The following RASAL3 variants were observed in gnomAD, a reference collection of about 807,000 sequenced individuals.
RASAL3 encodes the protein RAS protein activator like 3.
A neutral mutation model predicts 105.5 loss-of-function variants in RASAL3; 74 were observed. That is an observed-to-expected ratio of 0.70 (90% CI 0.58 to 0.85). RASAL3 has a LOEUF of 0.85. Ranked by LOEUF, RASAL3 falls within the 40% of genes least tolerant of loss-of-function variation. The pLI, the probability that RASAL3 is intolerant of heterozygous loss-of-function variation, is 0.00. For synonymous variants in RASAL3, 579 were observed against 591.6 expected, an observed-to-expected ratio of 0.98 and a Z score of 0.31; for missense variants, 1,352 against 1,392.0, an observed-to-expected ratio of 0.97 and a Z score of 0.46.
At chr19:15,458,240 T>G in intron 8 of RASAL3, 88 bp downstream of exon 8, 1 of 1,270,108 alleles carries the variant, frequency 7.9e-7, no homozygotes, top group South Asian at 1.3e-5. Context: ...GCGCGGGTTA[T>G]GGAGCGAGCT....
Position 15,461,270 on chromosome 19 carries a change from A to G in RASAL3, c.492T>C (p.Ser164=). The G allele has an allele frequency of 1.9e-6, 3 of 1,613,592 alleles. No individual in the cohort carries two copies. The highest frequency in any genetic ancestry group is 2.5e-6 in the Non-Finnish European group (3 of 1,179,810). Residue 164 remains serine, a synonymous_variant, in exon 4 of 18, where the codon AGT becomes AGC. Coordinates refer to ENST00000343625, the MANE Select transcript of RASAL3 (RefSeq NM_022904.3). ...EEGPRRPRVG[S]ASSEGSIHVA... ...CGTGGATGCTGCCCTCGGAGCTAGC[A>G]CTTCCCACCCGGGGCCTTCGAGGAC... is the stretch of plus-strand genomic sequence containing the variant.
rs551813706 is a variant in RASAL3 at position 15,462,970 on chromosome 19, T to G, written c.328+1061A>C. Reference sequence around the variant, plus strand: ...CATCTCAAAAAAAAAATAAAAAAAATGCTGGGCCCTAGGCTAGTGTTACAT... The same window carrying G: ...CATCTCAAAAAAAAAATAAAAAAAAGGCTGGGCCCTAGGCTAGTGTTACAT... On this transcript the variant is annotated intron_variant, in intron 2 of 17. Transcript: ENST00000343625. Among the ~76,000 whole-genome samples, 12 of 151,702 alleles carry G rather than the reference T, an allele frequency of 7.9e-5. No homozygotes were observed. The East Asian group carries it at 1.4e-3, about 17-fold the overall frequency.
Position 15,454,739 on chromosome 19 carries a change from C to T in RASAL3, c.1876G>A (p.Ala626Thr). 6.2e-7 allele frequency: 1 copy of T among 1,609,238 alleles called. No individual in the cohort carries two copies. The stretch of plus-strand genomic sequence containing the variant: ...GGGCCGGGTGCTGGATGGTCTGGTG[C>T]CAAACCAAAGAGGCTGGGTGCCAGG... ...AILAPSLFGL[A>T]PDHPAPGPAR... Residue 626 changes from alanine to threonine, a missense_variant, in exon 12 of 18, where the codon GCA becomes ACA. Around this residue, in one of 3 missense-constraint regions of RASAL3, gnomAD observed 920 missense variants for 919.6 expected, o/e 1.00. Coordinates refer to ENST00000343625, the MANE Select transcript of RASAL3 (RefSeq NM_022904.3).
Position 15,457,824 on chromosome 19 carries a change from T to G in RASAL3, c.899A>C (p.Glu300Ala). The change falls in exon 9 of 18, where the codon GAG (glutamate) becomes GCG (alanine). Residue 300 changes from glutamate (E) to alanine (A), a missense_variant. By Grantham distance (107) the Glu-to-Ala change is moderately radical. Transcript: ENST00000343625. This position sits in a 1 kb window ranked among gnomAD's most constrained non-coding sequence, Gnocchi z 8.6. The part of the protein sequence containing the change: ...RQFQPTQDNV[E>A]REETWLSVWV... ...CACGCTCAGCCATGTCTCTTCCCGCTCCACGTTGTCCTGCAGATGGGAGTG... is the reference window on the plus strand; with the variant it reads ...CACGCTCAGCCATGTCTCTTCCCGCGCCACGTTGTCCTGCAGATGGGAGTG... 1 of 1,548,802 alleles carries G rather than the reference T, an allele frequency of 6.5e-7. No individual in the cohort carries two copies. Among genetic ancestry groups the G allele is most frequent in the Non-Finnish European group, 8.7e-7 (1 of 1,146,864 alleles).
At chr19:15,461,145 G>A in intron 4 of RASAL3, 24 bp from the exon 5 acceptor site, 3 of 1,613,778 alleles carry the variant, frequency 1.9e-6, no homozygotes, top group Non-Finnish European at 2.5e-6. Flanking sequence ...TGGGTGGCAG[G>A]TTGGGGGGTT....
chr19:15,460,986 A>G, intron 5 of RASAL3, 74 bp downstream of exon 5: 1 of 1,381,332 alleles, frequency 7.2e-7, no homozygotes, highest in Non-Finnish European at 1.0e-6. Flanking sequence ...ACCCAGCAAG[A>G]GTGCCCTTTC....
At chr19:15,455,547 G>A (rs1269841021) in intron 11 of RASAL3, among the ~76,000 whole-genome samples, 1 of 152,222 alleles carries the variant, frequency 6.6e-6, no homozygotes, top group African/African-American at 2.4e-5. Context: ...TTGGGTCTCA[G>A]GTTACTTGGG....
intron 2 of RASAL3, among the ~76,000 whole-genome samples, chr19:15,462,506 A>AACAAAAACAAAC (rs1970541360): frequency 1.3e-5 from 2 of 151,708 alleles, no homozygotes; most frequent in African/African-American, 4.8e-5. Flanking sequence ...CAAAAACAAA[A>AACAAAAACAAAC]ACAAAATGGG....
chr19:15,456,755 T>G lies in RASAL3; in HGVS notation c.1432-109A>C. 2 of 1,319,220 alleles carry G rather than the reference T, an allele frequency of 1.5e-6. No homozygotes were observed. Among genetic ancestry groups the G allele is most frequent in the Non-Finnish European group, 2.1e-6 (2 of 960,940 alleles). The allele number at this position is 1,319,220 out of a possible 1,614,324, so 81.7% of individuals were successfully genotyped here. A position where few individuals can be genotyped will look rare whatever the true frequency, so the allele number is the denominator to read the frequency against. On this transcript the variant is annotated intron_variant, in intron 9 of 17. Transcript: ENST00000343625. This position sits in a 1 kb window ranked among gnomAD's most constrained non-coding sequence, Gnocchi z 4.4. ...AGGCACAGGCCCCGCCCCTTGTAGC[T>G]GATGCTTAGGCCCAGTCCTTACTGC...
chr19:15,455,942 T>G (rs1378478920), intron 11 of RASAL3, among the ~76,000 whole-genome samples, 162 bp downstream of exon 11: 1 of 152,196 alleles, frequency 6.6e-6, no homozygotes, highest in Non-Finnish European at 1.5e-5. Flanking sequence ...TGAGTCACCA[T>G]GCCTGGTTCA....
At chr19:15,460,159 C>A in intron 6 of RASAL3, 44 bp downstream of exon 6, 1 of 1,521,636 alleles carries the variant, frequency 6.6e-7, no homozygotes, top group Non-Finnish European at 9.0e-7. Context: ...GGAGGAGGGG[C>A]CAGTGTTGAA....
chr19:15,461,006 G>A lies in RASAL3; in HGVS notation c.606+54C>T, dbSNP rs932216641. 2.6e-6 allele frequency: 4 copies of A among 1,548,264 alleles called. No individual in the cohort carries two copies. In the African/African-American group the frequency reaches 5.4e-5, roughly 21 times the overall value. ...GCAAGAGTGCCCTTTCAGCTTTGAG[G>A]GTCCGAGAGTCTTGGCTCTCCCCTC... On this transcript the variant is annotated intron_variant, in intron 5 of 17. Transcript: ENST00000343625.
intron 2 of RASAL3, among the ~76,000 whole-genome samples, chr19:15,463,303 G>C (rs1970570980): frequency 6.6e-6 from 1 of 151,894 alleles, no homozygotes; most frequent in South Asian, 2.1e-4. Context: ...ATGTTGGCCA[G>C]GCTGGTCTCG....
At position 15,457,513 on chromosome 19, in the gene RASAL3, A is replaced by G; in HGVS notation, c.1210T>C (p.Phe404Leu). 1 of 1,164,240 alleles carries G rather than the reference A, an allele frequency of 8.6e-7. No homozygotes were observed. The highest frequency in any genetic ancestry group is 1.1e-6 in the Non-Finnish European group (1 of 941,280). 72.1% of individuals were successfully genotyped at this position (1,164,240 alleles called of 1,614,324 possible). ...RAPAAGLERWFPLLGAPAGAA... is the reference protein window; with the variant it reads ...RAPAAGLERWLPLLGAPAGAA... ...CCCGCCGGCGCCCCGAGCAGCGGGAACCAGCGCTCCAGACCGGCGGCAGGC... is the reference window on the plus strand; with the variant it reads ...CCCGCCGGCGCCCCGAGCAGCGGGAGCCAGCGCTCCAGACCGGCGGCAGGC... The change falls in exon 9 of 18, where the codon TTC (phenylalanine) becomes CTC (leucine). Residue 404 changes from phenylalanine to leucine, a missense_variant. Coordinates refer to ENST00000343625, the MANE Select transcript of RASAL3 (RefSeq NM_022904.3). The surrounding 1 kb of genome is among the most constrained non-coding windows in gnomAD (Gnocchi z 8.6).
rs758174578 is a variant in RASAL3, at chr19:15,451,749, T to C, written c.*46A>G. 3 of 1,552,730 alleles carry C rather than the reference T, an allele frequency of 1.9e-6. No individual in the cohort carries two copies. The highest frequency in any genetic ancestry group is 2.6e-6 in the Non-Finnish European group (3 of 1,142,704). On this transcript the variant is annotated 3_prime_UTR_variant, in exon 18 of 18. Transcript: ENST00000343625. ...AGTCAGACACCCCCCCTAAGATGGC[T>C]ATCTCTCTGCTCCCAGACCACGTGT...
chr19:15,460,141 G>A (rs71334769), intron 6 of RASAL3, 62 bp downstream of exon 6: 4 of 1,361,962 alleles, frequency 2.9e-6, no homozygotes, highest in East Asian at 4.9e-5. Flanking sequence ...TGATATGCAG[G>A]AGGTGGAGGA....
chr19:15,464,058 C>G lies in RASAL3; in HGVS notation c.301G>C (p.Asp101His). The change falls in exon 2 of 18, where the codon GAC becomes CAC. Residue 101 changes from aspartate (D) to histidine (H), a missense_variant. Physicochemically the swap from Asp to His is moderately conservative, Grantham distance 81 (BLOSUM62 -1). Coordinates refer to ENST00000343625, the MANE Select transcript of RASAL3 (RefSeq NM_022904.3). ...GRHKNPPPEP[D>H]PEPEQEAPEL... ...GGGGCCTCCTGCTCCGGCTCCGGGTCTGGCTCCGGCGGTGGGTTCTTATGC... is the reference window on the plus strand; with the variant it reads ...GGGGCCTCCTGCTCCGGCTCCGGGTGTGGCTCCGGCGGTGGGTTCTTATGC... 6.3e-7 allele frequency: 1 copy of G among 1,580,514 alleles called. No individual in the cohort carries two copies. Among genetic ancestry groups the G allele is most frequent in the Non-Finnish European group, 8.6e-7 (1 of 1,160,536 alleles).
In RASAL3 at chr19:15,451,804, G is replaced by A. The variant is rs780650141; in HGVS notation, c.3027C>T (p.Asp1009=). Residue 1009 remains aspartate (D), a synonymous_variant, in exon 18 of 18, where the codon GAC becomes GAT. Transcript: ENST00000343625. ...AGGCAGGATGGGCAGCTCAGGTGGT[G>A]TCTCCATTGAGGCAGGGTGCTTTGA... is the stretch of plus-strand genomic sequence containing the variant. ...QPLKAPCLNG[D]TT is the part of the protein sequence containing the mutation. 1 of 1,596,108 alleles carries A rather than the reference G, an allele frequency of 6.3e-7. No homozygotes were observed. Among genetic ancestry groups the A allele is most frequent in the African/African-American group, 1.3e-5 (1 of 74,600 alleles).
chr19:15,461,027 C>G (rs746972540), intron 5 of RASAL3, 33 bp downstream of exon 5: 1 of 1,606,318 alleles, frequency 6.2e-7, no homozygotes, highest in South Asian at 1.1e-5. Flanking sequence ...CTTGGCTCTC[C>G]CCTCTACCTC....
Sources: allele counts gnomAD v4.1 joint callset (sites outside exome capture counted in the v4.1 genomes callset), GRCh38; gene constraint gnomAD v4.1.1; regional missense constraint gnomAD v4.1.1; non-coding constraint Gnocchi (gnomAD v3.1); transcripts MANE v1.5; gene names NCBI Gene and HGNC (gene_info 2026-07-23, HGNC 2026-07-21).